Variants in TCEANC2 observed in about 807,000 individuals in gnomAD.
The protein encoded by TCEANC2 is transcription elongation factor A N-terminal and central domain containing 2, also known as transcription elongation factor A N-terminal and central domain-containing protein 2.
Under a neutral mutation model 22.8 loss-of-function variants are expected in TCEANC2, and 20 were observed. The observed-to-expected ratio is 0.88, with a 90% CI of 0.62 to 1.28. The LOEUF (loss-of-function observed/expected upper bound fraction) is 1.28. TCEANC2 is among the 50% of genes most tolerant of loss of function. The pLI is 0.00. For synonymous variants in TCEANC2, 84 were observed against 95.5 expected, an observed-to-expected ratio of 0.88 and a Z score of 0.70; for missense variants, 251 against 249.7, an observed-to-expected ratio of 1.01 and a Z score of -0.03.
chr1:54,085,787 G>A (rs1658328902), intron 3 of TCEANC2, among the ~76,000 whole-genome samples: 1 of 152,048 alleles, frequency 6.6e-6, no homozygotes, highest in Non-Finnish European at 1.5e-5. Context: ...AGGCTGGAGT[G>A]CAGTGGCATG....
chr1:54,068,363 T>C (rs903145279), intron 2 of TCEANC2, among the ~76,000 whole-genome samples: 8 of 152,236 alleles, frequency 5.3e-5, no homozygotes, highest in African/African-American at 1.7e-4. Flanking sequence ...GTGCTTTTGA[T>C]TGTTGACATA....
chr1:54,062,320 T>A (rs952566934), intron 2 of TCEANC2, among the ~76,000 whole-genome samples: 1 of 152,266 alleles, frequency 6.6e-6, no homozygotes, highest in Non-Finnish European at 1.5e-5. Flanking sequence ...CTCTTGTTCC[T>A]CCAAATAATT....
intron 3 of TCEANC2, among the ~76,000 whole-genome samples, chr1:54,085,228 G>C (rs1475506372): frequency 1.3e-5 from 2 of 152,132 alleles, no homozygotes; most frequent in Non-Finnish European, 2.9e-5. Flanking sequence ...GTAAAGCAGG[G>C]ACAATTGCTT....
At chr1:54,079,920 GTTA>G (rs1024686496) in intron 3 of TCEANC2, among the ~76,000 whole-genome samples, 1 of 151,932 alleles carries the variant, frequency 6.6e-6, no homozygotes, top group Admixed American at 6.6e-5. Context: ...TTGAGTTATC[GTTA>G]TTATTATTAT....
At chr1:54,089,962 A>G in intron 4 of TCEANC2, 1 of 729,852 alleles carries the variant, frequency 1.4e-6, no homozygotes, top group South Asian at 1.5e-5. Flanking sequence ...TTTCATGATA[A>G]ATATGGTAGT....
At chr1:54,071,064 A>G (rs1331115743) in intron 3 of TCEANC2, among the ~76,000 whole-genome samples, 1 of 152,140 alleles carries the variant, frequency 6.6e-6, no homozygotes, top group Non-Finnish European at 1.5e-5. Flanking sequence ...TCCAGAAACT[A>G]AAAGTAGTTT....
At chr1:54,069,562 C>T (rs959891024) in intron 3 of TCEANC2, among the ~76,000 whole-genome samples, 2 of 148,904 alleles carry the variant, frequency 1.3e-5, no homozygotes, top group East Asian at 2.0e-4. Context: ...GAGCCAAGAT[C>T]GTGCCACTGC....
Position 54,100,731 on chromosome 1 carries a change from A to T in TCEANC2, c.*4258A>T, listed in dbSNP as rs1332702104. ...TGGTAGTGAGAAATTGGGCAAAAAA[A>T]GTAACCAAGGCCTTGGAGGCCTTAT... is the stretch of plus-strand genomic sequence containing the variant. On this transcript the variant is annotated 3_prime_UTR_variant, in exon 5 of 5. Coordinates refer to ENST00000234827, the MANE Select transcript of TCEANC2 (RefSeq NM_153035.3). 1.3e-5 allele frequency: 2 copies of T among 152,246 alleles called. No individual in the cohort carries two copies. Among genetic ancestry groups the T allele is most frequent in the East Asian group, 1.9e-4 (1 of 5,194 alleles). 9.4% of individuals were successfully genotyped at this position (152,246 alleles called of 1,614,324 possible).
chr1:54,088,177 T>C (rs1658374849), intron 3 of TCEANC2, among the ~76,000 whole-genome samples: 1 of 152,224 alleles, frequency 6.6e-6, no homozygotes, highest in South Asian at 2.1e-4. Context: ...CAAAAAAATG[T>C]TCTCATTCTG....
In TCEANC2 at chr1:54,096,470, G is replaced by A; in HGVS notation, c.624G>A (p.Lys208=). Reference sequence around the variant, plus strand: ...GCACGTTTGTACAGACCCACAAAAAGTGACCTGAGGACGGTTCCAGCCCTG... The same window carrying A: ...GCACGTTTGTACAGACCCACAAAAAATGACCTGAGGACGGTTCCAGCCCTG... ...PVGTFVQTHK[K] is the part of the protein sequence containing the mutation. The change falls in exon 5 of 5, where the codon AAG becomes AAA. Residue 208 remains lysine, a synonymous_variant. Transcript: ENST00000234827. The surrounding 1 kb of genome is among the most constrained non-coding windows in gnomAD (Gnocchi z 4.9). 6.3e-7 allele frequency: 1 copy of A among 1,597,794 alleles called. No homozygotes were observed. The highest frequency in any genetic ancestry group is 1.3e-5 in the African/African-American group (1 of 74,768).
At chr1:54,089,957 T>A (rs1272584054) in intron 4 of TCEANC2, 3 of 743,962 alleles carry the variant, frequency 4.0e-6, no homozygotes. Flanking sequence ...CTGATTTTCA[T>A]GATAAATATG....
chr1:54,059,807 T>A (rs1191910780), intron 2 of TCEANC2, among the ~76,000 whole-genome samples: 1 of 152,208 alleles, frequency 6.6e-6, no homozygotes, highest in Non-Finnish European at 1.5e-5. Context: ...ATCATCTGTA[T>A]TCTGGCATGC....
In TCEANC2 at chr1:54,102,433, A is replaced by G. The variant is rs1658678005; in HGVS notation, c.*5960A>G. 6.6e-6 allele frequency: 1 copy of G among 152,250 alleles called. No homozygotes were observed. Among genetic ancestry groups the G allele is most frequent in the Non-Finnish European group, 1.5e-5 (1 of 68,046 alleles). 9.4% of individuals were successfully genotyped at this position (152,250 alleles called of 1,614,324 possible). ...ACTCTTGATGCTACAGGGTTCTGGTAGAGACAGATCATCAGACCATGGATC... is the reference window on the plus strand; with the variant it reads ...ACTCTTGATGCTACAGGGTTCTGGTGGAGACAGATCATCAGACCATGGATC... On this transcript the variant is annotated 3_prime_UTR_variant, in exon 5 of 5. Transcript: ENST00000234827.
chr1:54,089,384 A>G (rs1266107007), intron 4 of TCEANC2, among the ~76,000 whole-genome samples: 1 of 152,186 alleles, frequency 6.6e-6, no homozygotes, highest in East Asian at 1.9e-4. Flanking sequence ...CTTTAGCTTT[A>G]AGGCATAAAA....
intron 2 of TCEANC2, among the ~76,000 whole-genome samples, chr1:54,066,645 A>C (rs1367611047): frequency 6.6e-6 from 1 of 152,254 alleles, no homozygotes; most frequent in Non-Finnish European, 1.5e-5. Flanking sequence ...AATACTATCC[A>C]ATATTATTAA....
At chr1:54,063,935 AG>A (rs1337539748) in intron 2 of TCEANC2, among the ~76,000 whole-genome samples, 3 of 152,226 alleles carry the variant, frequency 2.0e-5, no homozygotes, top group Non-Finnish European at 4.4e-5. Context: ...CTGCCAATCC[AG>A]AAGGCTAGCT....
At chr1:54,061,902 G>A (rs1423021292) in intron 2 of TCEANC2, among the ~76,000 whole-genome samples, 1 of 152,206 alleles carries the variant, frequency 6.6e-6, no homozygotes, top group Non-Finnish European at 1.5e-5. Context: ...TCTCAATAGA[G>A]CTCATGTAAT....
At chr1:54,074,570 T>C (rs556314336) in intron 3 of TCEANC2, among the ~76,000 whole-genome samples, 2 of 151,984 alleles carry the variant, frequency 1.3e-5, no homozygotes, top group African/African-American at 4.8e-5. Flanking sequence ...TAAGGACTTA[T>C]AGAAGAAACC....
In TCEANC2 at chr1:54,077,647, T is replaced by G. The variant is rs114441058; in HGVS notation, c.244+8750T>G. 9.2e-3 allele frequency among the ~76,000 whole-genome samples: 1,402 copies of G among 152,296 alleles called. 13 individuals are homozygous for G. The highest frequency in any genetic ancestry group is 0.017 in the South Asian group (82 of 4,828). On this transcript the variant is annotated intron_variant, in intron 3 of 4. Coordinates refer to ENST00000234827, the MANE Select transcript of TCEANC2 (RefSeq NM_153035.3). ...ATTATTTACTTCTTTATTTTTTTAT[T>G]TGCTAGGCAGTAACTCTGTGCCAGC...
Sources: allele counts gnomAD v4.1 joint callset (sites outside exome capture counted in the v4.1 genomes callset), GRCh38; gene constraint gnomAD v4.1.1; non-coding constraint Gnocchi (gnomAD v3.1); transcripts MANE v1.5; gene names NCBI Gene and HGNC (gene_info 2026-07-23, HGNC 2026-07-21).